Variants in THNSL2 observed in about 807,000 individuals in gnomAD.
THNSL2 encodes the protein threonine synthase like 2, also known as threonine synthase-like 2.
THNSL2 carries 34 observed loss-of-function variants against 40.0 expected under a neutral mutation model. The ratio of observed to expected loss-of-function variants is 0.85; its 90% CI spans 0.65 to 1.13. The LOEUF is 1.13. Among genes scored for constraint, THNSL2 ranks in the 50% most tolerant of loss-of-function variants. The pLI is 0.00. For synonymous variants in THNSL2, 241 were observed against 247.5 expected, an observed-to-expected ratio of 0.97 and a Z score of 0.25; for missense variants, 537 against 608.8, an observed-to-expected ratio of 0.88 and a Z score of 1.24.
intron 5 of THNSL2, among the ~76,000 whole-genome samples, chr2:88,180,959 T>C (rs980427925): frequency 6.6e-6 from 1 of 152,082 alleles, no homozygotes; most frequent in Non-Finnish European, 1.5e-5. Flanking sequence ...TCTTGGAACA[T>C]TCATTTCCTC....
At chr2:88,182,524 T>C (rs1418990734) in intron 5 of THNSL2, 175 bp from the exon 6 acceptor site, 2 of 590,054 alleles carry the variant, frequency 3.4e-6, no homozygotes, top group Non-Finnish European at 2.8e-6. Context: ...GATATATGAA[T>C]TGCATTTTTC....
At chr2:88,174,301 T>C (rs993338721) in intron 2 of THNSL2, among the ~76,000 whole-genome samples, 1 of 152,058 alleles carries the variant, frequency 6.6e-6, no homozygotes, top group Non-Finnish European at 1.5e-5. Flanking sequence ...GGATGCGACA[T>C]TGATGTGTTA....
At chr2:88,178,508 T>C (rs1043221459) in intron 4 of THNSL2, among the ~76,000 whole-genome samples, 7 of 152,212 alleles carry the variant, frequency 4.6e-5, no homozygotes, top group African/African-American at 1.7e-4. Context: ...TAGATAATGG[T>C]AGAAACATTG....
rs143468353 is a variant in THNSL2 at position 88,173,290 on chromosome 2, G to T, written c.140G>T (p.Ser47Ile). ...QLDRGTLCQW[S>I]TLSYPGLVKE... ...GACAGAGGGACCCTGTGCCAGTGGA[G>T]CACACTCTCCTATCCTGGCCTGGTG... The change falls in exon 2 of 9, where the codon AGC (serine) becomes ATC (isoleucine). Residue 47 changes from serine (S) to isoleucine (I), a missense_variant. Transcript: ENST00000674334. 6.2e-7 allele frequency: 1 copy of T among 1,612,448 alleles called. No homozygotes were observed. The highest frequency in any genetic ancestry group is 1.3e-5 in the African/African-American group (1 of 74,898).
rs987436653 is a variant in THNSL2 at position 88,180,235 on chromosome 2, G to A, written c.802+1222G>A. Among the ~76,000 whole-genome samples, 5 of 152,200 alleles carry A rather than the reference G, an allele frequency of 3.3e-5. No individual in the cohort carries two copies. In the East Asian group the frequency reaches 7.7e-4, roughly 23 times the overall value. Reference sequence around the variant, plus strand: ...GGGTGTTCCTATCCATCTTTGCTCTGTCAGGAACCAACTCTTTGGCTTTAA... The same window carrying A: ...GGGTGTTCCTATCCATCTTTGCTCTATCAGGAACCAACTCTTTGGCTTTAA... On this transcript the variant is annotated intron_variant, in intron 5 of 8. Coordinates refer to ENST00000674334, the MANE Select transcript of THNSL2 (RefSeq NM_018271.5).
chr2:88,182,809 G>A lies in THNSL2; in HGVS notation c.913G>A (p.Ala305Thr). The change falls in exon 6 of 9, where the codon GCT becomes ACT. Residue 305 changes from alanine (A) to threonine (T), a missense_variant. Ala to Thr is a moderately conservative substitution (Grantham distance 58). Transcript: ENST00000674334. ...VQQGDFSLSE[A>T]VKSTLASAMD... Reference sequence around the variant, plus strand: ...GCAGGGAGACTTCTCTCTCTCTGAGGCTGTTAAATCAACCTTGGCATCAGC... The same window carrying A: ...GCAGGGAGACTTCTCTCTCTCTGAGACTGTTAAATCAACCTTGGCATCAGC... The A allele has an allele frequency of 6.2e-7, 1 of 1,614,152 alleles. No individual in the cohort carries two copies. The highest frequency in any genetic ancestry group is 2.2e-5 in the East Asian group (1 of 44,882).
intron 5 of THNSL2, among the ~76,000 whole-genome samples, chr2:88,180,192 G>A (rs931469502): frequency 1.3e-5 from 2 of 152,198 alleles, no homozygotes; most frequent in African/African-American, 4.8e-5. Flanking sequence ...AAATAAACAC[G>A]TGACCAACAT....
intron 2 of THNSL2, among the ~76,000 whole-genome samples, chr2:88,174,296 C>T (rs1187093100): frequency 2.0e-5 from 3 of 151,998 alleles, no homozygotes; most frequent in African/African-American, 4.8e-5. Flanking sequence ...AGATGGGATG[C>T]GACATTGATG....
chr2:88,171,473 G>A (rs1419342062), intron 1 of THNSL2: 1 of 382,132 alleles, frequency 2.6e-6, no homozygotes, highest in Non-Finnish European at 5.3e-6. Flanking sequence ...TTCTTTCGCT[G>A]TACCTTACTG....
chr2:88,185,544 C>G, intron 8 of THNSL2, 65 bp downstream of exon 8: 1 of 1,555,538 alleles, frequency 6.4e-7, no homozygotes, highest in Non-Finnish European at 8.7e-7. Context: ...TCTTCTTCTC[C>G]AAGCAGTGGG....
At chr2:88,178,382 C>A (rs762314794) in intron 4 of THNSL2, among the ~76,000 whole-genome samples, 7 of 152,180 alleles carry the variant, frequency 4.6e-5, no homozygotes, top group Non-Finnish European at 7.3e-5. Flanking sequence ...ACGTCTCTCA[C>A]CGTTTTCCAA....
Position 88,175,245 on chromosome 2 carries a change from CCAGG to C in THNSL2, c.419-3_419del, listed in dbSNP as rs1279531225. On this transcript the variant is annotated splice_acceptor_variant and splice_polypyrimidine_tract_variant and coding_sequence_variant and intron_variant, in exon 4 of 9. Coordinates refer to ENST00000674334, the MANE Select transcript of THNSL2 (RefSeq NM_018271.5). LOFTEE classifies it high-confidence loss of function. ...GGGGAGAGTTCTCCTTTCTTCCCAT[CCAGG>C]AACATCTGGGGACACAGGAAGTGCT... 6.2e-7 allele frequency: 1 copy of C among 1,613,342 alleles called. No individual in the cohort carries two copies.
intron 7 of THNSL2, among the ~76,000 whole-genome samples, chr2:88,184,964 G>C (rs540494735): frequency 6.6e-6 from 1 of 152,174 alleles, no homozygotes; most frequent in Non-Finnish European, 1.5e-5. Flanking sequence ...TGGGGGAGGT[G>C]CTCTGTGAGC....
chr2:88,171,445 G>A, intron 1 of THNSL2: 1 of 401,128 alleles, frequency 2.5e-6, no homozygotes, highest in South Asian at 1.8e-5. Context: ...ACCCAGGGAA[G>A]GGCATTTGAA....
rs951231037 is a variant in THNSL2 at position 88,175,755 on chromosome 2, T to C, written c.571+354T>C. The C allele has an allele frequency of 5.2e-5, 10 of 192,948 alleles. 1 individual carries two copies. Among genetic ancestry groups the C allele is most frequent in the Admixed American group, 1.1e-4 (2 of 18,506 alleles). The allele number at this position is 192,948 out of a possible 1,614,324, so 12.0% of individuals were successfully genotyped here. ...CTGAGCCAAGTGATTTGGGTTTTTTTCCAAGACTCTGAAGTTTAGAGGACA... is the reference window on the plus strand; with the variant it reads ...CTGAGCCAAGTGATTTGGGTTTTTTCCCAAGACTCTGAAGTTTAGAGGACA... On this transcript the variant is annotated intron_variant, in intron 4 of 8. Coordinates refer to ENST00000674334, the MANE Select transcript of THNSL2 (RefSeq NM_018271.5).
chr2:88,185,685 T>G (rs1433814055), intron 8 of THNSL2: 1 of 1,551,438 alleles, frequency 6.4e-7, no homozygotes, highest in South Asian at 1.2e-5. Flanking sequence ...TCAGAGGTGG[T>G]GGCTGAGCTG....
At chr2:88,178,119 C>G (rs145221580) in intron 4 of THNSL2, among the ~76,000 whole-genome samples, 55 of 152,248 alleles carry the variant, frequency 3.6e-4, no homozygotes, top group African/African-American at 1.3e-3. Context: ...GCTCATTGAG[C>G]TAGACTGGAG....
At position 88,175,211 on chromosome 2, in the gene THNSL2, G is replaced by C. The variant is rs761315948; in HGVS notation, c.419-38G>C. Reference sequence around the variant, plus strand: ...ATTTCTTTCCTCGTTCATTCCCTTTGTTCTAAAGGGGGAGAGTTCTCCTTT... The same window carrying C: ...ATTTCTTTCCTCGTTCATTCCCTTTCTTCTAAAGGGGGAGAGTTCTCCTTT... On this transcript the variant is annotated intron_variant, in intron 3 of 8. Coordinates refer to ENST00000674334, the MANE Select transcript of THNSL2 (RefSeq NM_018271.5). The C allele has an allele frequency of 8.1e-6, 13 of 1,600,072 alleles. No homozygotes were observed. The East Asian group carries it at 8.9e-5, about 11-fold the overall frequency.
Position 88,185,384 on chromosome 2 carries a change from G to C in THNSL2, c.1134G>C (p.Met378Ile), listed in dbSNP as rs752260528. ...SVSDEAITQT[M>I]GRCWDENQYL... ...CGGATGAAGCCATCACCCAGACCATGGGCCGCTGCTGGGATGAGAACCAGT... is the reference window on the plus strand; with the variant it reads ...CGGATGAAGCCATCACCCAGACCATCGGCCGCTGCTGGGATGAGAACCAGT... Residue 378 changes from methionine to isoleucine, a missense_variant, in exon 8 of 9, where the codon ATG (methionine) becomes ATC (isoleucine). Transcript: ENST00000674334. 1 of 1,614,076 alleles carries C rather than the reference G, an allele frequency of 6.2e-7. No individual in the cohort carries two copies. Among genetic ancestry groups the C allele is most frequent in the Admixed American group, 1.7e-5 (1 of 60,018 alleles).
Sources: gnomAD v4.1 joint callset for allele counts (sites outside exome capture counted in the v4.1 genomes callset) on GRCh38, gnomAD v4.1.1 for gene constraint, MANE v1.5 for transcripts, NCBI Gene and HGNC (gene_info 2026-07-23, HGNC 2026-07-21) for gene names.